KLHL2: variants seen among roughly 807,000 people sequenced by gnomAD.
KLHL2 encodes kelch-like protein 2.
Under a neutral mutation model 75.8 loss-of-function variants are expected in KLHL2, and 15 were observed. The ratio of observed to expected loss-of-function variants is 0.20; its 90% CI spans 0.13 to 0.30. KLHL2 has a LOEUF of 0.30. Among genes scored for constraint, KLHL2 ranks in the 10% least tolerant of loss-of-function variants. KLHL2 has a pLI of 1.00. For synonymous variants in KLHL2, 214 were observed against 251.9 expected, an observed-to-expected ratio of 0.85 and a Z score of 1.42; for missense variants, 381 against 741.0, an observed-to-expected ratio of 0.51 and a Z score of 5.64.
intron 5 of KLHL2, among the ~76,000 whole-genome samples, chr4:165,292,653 G>C (rs1363583226): frequency 6.6e-6 from 1 of 152,176 alleles, no homozygotes; most frequent in East Asian, 1.9e-4. Context: ...AAATTGAATA[G>C]TTTTTCATGA....
At chr4:165,255,211 T>C (rs1019122905) in intron 4 of KLHL2, among the ~76,000 whole-genome samples, 11 of 152,214 alleles carry the variant, frequency 7.2e-5, no homozygotes, top group African/African-American at 2.4e-4. Flanking sequence ...CTCCTCTCCA[T>C]ACTACCTTTG....
chr4:165,243,644 T>G (rs1739997866), intron 4 of KLHL2, among the ~76,000 whole-genome samples: 1 of 152,252 alleles, frequency 6.6e-6, no homozygotes, highest in Non-Finnish European at 1.5e-5. Flanking sequence ...TTTAACACAG[T>G]CTCAGTATAG....
At chr4:165,315,957 A>G (rs1320681876) in intron 13 of KLHL2, among the ~76,000 whole-genome samples, 1 of 152,232 alleles carries the variant, frequency 6.6e-6, no homozygotes, top group Non-Finnish European at 1.5e-5. Flanking sequence ...TTAGATGATT[A>G]TATATAGACC....
intron 4 of KLHL2, among the ~76,000 whole-genome samples, chr4:165,260,306 T>A (rs1432105020): frequency 1.3e-5 from 2 of 152,168 alleles, no homozygotes; most frequent in Non-Finnish European, 2.9e-5. Context: ...TATTTTATGT[T>A]TAGCATATAT....
chr4:165,311,813 G>C (rs566410440), intron 11 of KLHL2, among the ~76,000 whole-genome samples: 5,440 of 104,468 alleles, frequency 0.052, 324 homozygotes, highest in African/African-American at 0.25. Flanking sequence ...TTCTCTCTGT[G>C]TGTGTGTGTG....
chr4:165,306,442 T>C (rs1359746517), intron 9 of KLHL2, among the ~76,000 whole-genome samples: 2 of 152,250 alleles, frequency 1.3e-5, no homozygotes, highest in African/African-American at 4.8e-5. Flanking sequence ...TTATAAACAA[T>C]GCTACAACAA....
intron 5 of KLHL2, among the ~76,000 whole-genome samples, chr4:165,283,882 C>T (rs1196443745): frequency 1.3e-5 from 2 of 152,216 alleles, no homozygotes; most frequent in African/African-American, 2.4e-5. Flanking sequence ...TACCAAACCT[C>T]AATTCTTGAC....
chr4:165,256,517 C>G (rs1434345399), intron 4 of KLHL2, among the ~76,000 whole-genome samples: 1 of 152,068 alleles, frequency 6.6e-6, no homozygotes, highest in African/African-American at 2.4e-5. Flanking sequence ...ACTCCAAAGG[C>G]CTTTCAACAC....
At chr4:165,246,598 G>T (rs1217794732) in intron 4 of KLHL2, among the ~76,000 whole-genome samples, 1 of 152,206 alleles carries the variant, frequency 6.6e-6, no homozygotes, top group East Asian at 1.9e-4. Context: ...TAATGGATTT[G>T]CATGACGGTA....
intron 1 of KLHL2, chr4:165,210,270 C>G (rs1737117289): frequency 1.6e-6 from 2 of 1,233,616 alleles, no homozygotes; most frequent in Non-Finnish European, 2.3e-6. Flanking sequence ...TGCTTGTGTT[C>G]TCTTTTAACA....
At chr4:165,312,679 G>A (rs1307574059) in intron 11 of KLHL2, among the ~76,000 whole-genome samples, 1 of 152,154 alleles carries the variant, frequency 6.6e-6, no homozygotes, top group Non-Finnish European at 1.5e-5. Flanking sequence ...GCAACTGCTA[G>A]TCTACTTTCT....
At chr4:165,277,286 G>T (rs543403123) in intron 5 of KLHL2, among the ~76,000 whole-genome samples, 15 of 152,258 alleles carry the variant, frequency 9.9e-5, no homozygotes, top group Middle Eastern at 3.4e-3. Flanking sequence ...GAAGAAAAAA[G>T]AAAGTATCCT....
In KLHL2 at chr4:165,207,976, C is replaced by G; in HGVS notation, c.26+74C>G. 1 of 1,179,350 alleles carries G rather than the reference C, an allele frequency of 8.5e-7. No individual in the cohort carries two copies. Among genetic ancestry groups the G allele is most frequent in the Non-Finnish European group, 1.1e-6 (1 of 934,534 alleles). The allele number at this position is 1,179,350 out of a possible 1,614,324, so 73.1% of individuals were successfully genotyped here. A position where few individuals can be genotyped will look rare whatever the true frequency, so the allele number is the denominator to read the frequency against. ...TGCGGCGCGTGTCGCCGGCCGCGGG[C>G]GCAGCTCTGGGGACAGCCGCCGGGG... On this transcript the variant is annotated intron_variant, in intron 1 of 14. Coordinates refer to ENST00000226725, the MANE Select transcript of KLHL2 (RefSeq NM_007246.4). This position sits in a 1 kb window ranked among gnomAD's most constrained non-coding sequence, Gnocchi z 4.2.
chr4:165,297,745 A>G lies in KLHL2; in HGVS notation c.771+20A>G, dbSNP rs764762896. 1.4e-6 allele frequency: 2 copies of G among 1,379,876 alleles called. No homozygotes were observed. The highest frequency in any genetic ancestry group is 2.1e-6 in the Non-Finnish European group (2 of 966,142). The allele number at this position is 1,379,876 out of a possible 1,614,324, so 85.5% of individuals were successfully genotyped here. On this transcript the variant is annotated intron_variant, in intron 7 of 14. Coordinates refer to ENST00000226725, the MANE Select transcript of KLHL2 (RefSeq NM_007246.4). ...GTTCAGGTAAATGCATATGCAAAAC[A>G]TATGAATCCACACAGCACTGTGTCA...
chr4:165,226,656 C>T (rs1738460337), intron 2 of KLHL2, among the ~76,000 whole-genome samples: 1 of 152,044 alleles, frequency 6.6e-6, no homozygotes, highest in African/African-American at 2.4e-5. Context: ...GTGCTTAAAA[C>T]CCACTAAAAT....
chr4:165,310,519 A>C (rs1287777351), intron 9 of KLHL2, 34 bp from the exon 10 acceptor site: 4 of 1,574,452 alleles, frequency 2.5e-6, no homozygotes, highest in Non-Finnish European at 3.5e-6. Context: ...GTTGAGTTGC[A>C]TGTTGATCAT....
intron 13 of KLHL2, among the ~76,000 whole-genome samples, chr4:165,315,702 G>A (rs1746543341): frequency 6.6e-6 from 1 of 152,088 alleles, no homozygotes; most frequent in Non-Finnish European, 1.5e-5. Flanking sequence ...CTTCTGATAA[G>A]ATCTGTTCAG....
chr4:165,273,492 G>A (rs1455678554), intron 5 of KLHL2, among the ~76,000 whole-genome samples: 2 of 152,198 alleles, frequency 1.3e-5, no homozygotes, highest in Admixed American at 6.5e-5. Flanking sequence ...GAATTCCCAT[G>A]TGTGGTGGGA....
intron 4 of KLHL2, among the ~76,000 whole-genome samples, chr4:165,242,971 A>G (rs1739943027): frequency 6.6e-6 from 1 of 152,236 alleles, no homozygotes; most frequent in Non-Finnish European, 1.5e-5. Context: ...TGTTACCCCA[A>G]TGTGATTGAA....
Sources: gnomAD v4.1 joint callset for allele counts (sites outside exome capture counted in the v4.1 genomes callset) on GRCh38, gnomAD v4.1.1 for gene constraint, Gnocchi (gnomAD v3.1) non-coding constraint, MANE v1.5 for transcripts, NCBI Gene and HGNC (gene_info 2026-07-23, HGNC 2026-07-21) for gene names.